Variants in DNAI1 observed in about 807,000 individuals in gnomAD.
DNAI1 encodes dynein axonemal intermediate chain 1, also known as dynein, axonemal, intermediate polypeptide 1.
A neutral mutation model predicts 92.0 loss-of-function variants in DNAI1; 67 were observed. The ratio of observed to expected loss-of-function variants is 0.73; its 90% CI spans 0.60 to 0.89. DNAI1 has a LOEUF of 0.89. DNAI1 is among the 40% of genes least tolerant of loss of function. The pLI, the probability that DNAI1 is intolerant of heterozygous loss-of-function variation, is 0.00. For missense variants in DNAI1, 839 were observed against 866.6 expected (o/e 0.97, Z 0.40); for synonymous variants, 323 against 319.6 (o/e 1.01, Z -0.11).
At chr9:34,471,902 T>C (rs1246603138) in intron 1 of DNAI1, among the ~76,000 whole-genome samples, 2 of 152,216 alleles carry the variant, frequency 1.3e-5, no homozygotes, top group African/African-American at 4.8e-5. Flanking sequence ...ATTGTTATAA[T>C]GATCAAATAA....
At chr9:34,472,629 C>T (rs1824161434) in intron 1 of DNAI1, among the ~76,000 whole-genome samples, 1 of 152,092 alleles carries the variant, frequency 6.6e-6, no homozygotes. Flanking sequence ...AGGCTGGGTG[C>T]AGTGGTTCAC....
chr9:34,488,985 A>G (rs1375630961), intron 4 of DNAI1, among the ~76,000 whole-genome samples: 1 of 152,226 alleles, frequency 6.6e-6, no homozygotes, highest in African/African-American at 2.4e-5. Context: ...GGTATGTGGT[A>G]TGGCAAGTGA....
chr9:34,495,854 G>A (rs1824711389), intron 9 of DNAI1, among the ~76,000 whole-genome samples: 1 of 152,206 alleles, frequency 6.6e-6, no homozygotes, highest in African/African-American at 2.4e-5. Flanking sequence ...AGAGAATAGA[G>A]AGCGTAGCTG....
chr9:34,468,940 T>C (rs1824090197), intron 1 of DNAI1, among the ~76,000 whole-genome samples: 1 of 152,044 alleles, frequency 6.6e-6, no homozygotes, highest in Non-Finnish European at 1.5e-5. Flanking sequence ...ATATTATATA[T>C]GTATTTGGAA....
chr9:34,462,130 C>G (rs755363557), intron 1 of DNAI1, among the ~76,000 whole-genome samples: 3 of 152,188 alleles, frequency 2.0e-5, no homozygotes, highest in Non-Finnish European at 4.4e-5. Flanking sequence ...TCCCAAAAGT[C>G]CAATTTGCTT....
rs372110420 is a variant in DNAI1 at position 34,506,322 on chromosome 9, A to G, written c.1064-305A>G. Reference sequence around the variant, plus strand: ...GTTCTGCTCCTTCCCAAGCTCACACACCTTCTTCACTTAGCAGCTCTTTGA... The same window carrying G: ...GTTCTGCTCCTTCCCAAGCTCACACGCCTTCTTCACTTAGCAGCTCTTTGA... On this transcript the variant is annotated intron_variant, in intron 12 of 19. Coordinates refer to ENST00000242317, the MANE Select transcript of DNAI1 (RefSeq NM_012144.4). Among the ~76,000 whole-genome samples the G allele has an allele frequency of 3.3e-3, 501 of 152,092 alleles. 3 individuals are homozygous for G. The highest frequency in any genetic ancestry group is 0.011 in the African/African-American group (437 of 41,466).
At chr9:34,461,987 A>G (rs116441449) in intron 1 of DNAI1, among the ~76,000 whole-genome samples, 1,652 of 152,290 alleles carry the variant, frequency 0.011, 32 homozygotes, top group African/African-American at 0.038. Flanking sequence ...GGAGGTAGGT[A>G]GGACTGGGTT....
chr9:34,516,327 T>A (rs1171794606), intron 18 of DNAI1, among the ~76,000 whole-genome samples: 2 of 152,170 alleles, frequency 1.3e-5, no homozygotes, highest in Non-Finnish European at 2.9e-5. Context: ...GGGAGGATTT[T>A]AAGTGCTTTA....
chr9:34,497,062 T>A, intron 9 of DNAI1, 53 bp from the exon 10 acceptor site: 2 of 1,374,306 alleles, frequency 1.5e-6, no homozygotes, highest in Admixed American at 3.4e-5. Context: ...TCAGGACATA[T>A]GACCTTGCTA....
intron 12 of DNAI1, among the ~76,000 whole-genome samples, chr9:34,501,806 C>T (rs964191722): frequency 6.6e-6 from 1 of 152,168 alleles, no homozygotes; most frequent in African/African-American, 2.4e-5. Context: ...CCTGAACCTT[C>T]GGAGCCCACT....
At chr9:34,482,471 T>C (rs1824378828) in intron 1 of DNAI1, among the ~76,000 whole-genome samples, 1 of 149,032 alleles carries the variant, frequency 6.7e-6, no homozygotes, top group Non-Finnish European at 1.5e-5. Flanking sequence ...GATTGGTGTG[T>C]TTACAAACCT....
chr9:34,512,353 T>C lies in DNAI1; in HGVS notation c.1418T>C (p.Ile473Thr), dbSNP rs766058211. The C allele has an allele frequency of 4.3e-6, 7 of 1,613,972 alleles. No individual in the cohort carries two copies. Among genetic ancestry groups the C allele is most frequent in the South Asian group, 3.3e-5 (3 of 91,076 alleles). The change falls in exon 15 of 20, where the codon ATA becomes ACA. Residue 473 changes from isoleucine (I) to threonine (T), a missense_variant. Coordinates refer to ENST00000242317, the MANE Select transcript of DNAI1 (RefSeq NM_012144.4). ...TGGCTACAGAGAAAGCTGGTTCACA[T>C]AGATGTCATCAAGCTGAAGGTGGAA... ...WTLVKRKLVH[I>T]DVIKLKVEGS...
chr9:34,510,791 C>A (rs1426594780), intron 13 of DNAI1, among the ~76,000 whole-genome samples: 1 of 152,150 alleles, frequency 6.6e-6, no homozygotes, highest in Non-Finnish European at 1.5e-5. Context: ...TCCCCTCCCC[C>A]CTTTAAAGGG....
At position 34,520,921 on chromosome 9, in the gene DNAI1, G is replaced by A. The variant is rs1825269816; in HGVS notation, c.*165G>A. 4.1e-6 allele frequency: 3 copies of A among 728,592 alleles called. No individual in the cohort carries two copies. Among genetic ancestry groups the A allele is most frequent in the South Asian group, 1.6e-5 (1 of 63,790 alleles). 45.1% of individuals were successfully genotyped at this position (728,592 alleles called of 1,614,324 possible). A position where few individuals can be genotyped will look rare whatever the true frequency, so the allele number is the denominator to read the frequency against. On this transcript the variant is annotated 3_prime_UTR_variant, in exon 20 of 20. Coordinates refer to ENST00000242317, the MANE Select transcript of DNAI1 (RefSeq NM_012144.4). The stretch of plus-strand genomic sequence containing the variant: ...CTTAAGGTCCCAGCACCTTACCCCA[G>A]GACTTGGTCTTCAACCACCATTACC...
chr9:34,503,518 G>C (rs1824871652), intron 12 of DNAI1, among the ~76,000 whole-genome samples: 1 of 152,204 alleles, frequency 6.6e-6, no homozygotes, highest in South Asian at 2.1e-4. Flanking sequence ...GCTGAGTCTA[G>C]ACCTCATAAA....
intron 9 of DNAI1, among the ~76,000 whole-genome samples, chr9:34,494,704 A>G (rs1824680985): frequency 6.6e-6 from 1 of 152,204 alleles, no homozygotes; most frequent in South Asian, 2.1e-4. Context: ...ATGAGGGACC[A>G]TCTCTCTCCA....
chr9:34,511,258 C>T (rs1825059801), intron 13 of DNAI1, among the ~76,000 whole-genome samples: 1 of 152,226 alleles, frequency 6.6e-6, no homozygotes, highest in Admixed American at 6.5e-5. Flanking sequence ...TCAAGCGTGT[C>T]ATCTTCATAA....
chr9:34,513,541 G>A (rs1204072242), intron 16 of DNAI1, among the ~76,000 whole-genome samples: 4 of 152,136 alleles, frequency 2.6e-5, no homozygotes, highest in African/African-American at 9.7e-5. Context: ...AGCTTGGAAG[G>A]CCAGAATTAT....
intron 18 of DNAI1, among the ~76,000 whole-genome samples, chr9:34,516,749 T>C (rs10686159): frequency 2.8e-4 from 22 of 78,668 alleles, no homozygotes; most frequent in African/African-American, 9.2e-4. Flanking sequence ...CTTTTCTTTT[T>C]TTTTTTTTTT....
Sources: gnomAD v4.1 joint callset for allele counts (sites outside exome capture counted in the v4.1 genomes callset) on GRCh38, gnomAD v4.1.1 for gene constraint, MANE v1.5 for transcripts, NCBI Gene and HGNC (gene_info 2026-07-23, HGNC 2026-07-21) for gene names.